The following SLC7A11 variants were observed in gnomAD, a reference collection of about 807,000 sequenced individuals.
SLC7A11 encodes the protein cystine/glutamate transporter.
SLC7A11 carries 35 observed loss-of-function variants against 54.5 expected under a neutral mutation model. The ratio of observed to expected loss-of-function variants is 0.64; its 90% CI spans 0.49 to 0.85. SLC7A11 has a LOEUF of 0.85. SLC7A11 is among the 40% of genes least tolerant of loss of function. SLC7A11 has a pLI of 0.00. For synonymous variants in SLC7A11, 230 were observed against 225.2 expected, an observed-to-expected ratio of 1.02 and a Z score of -0.19; for missense variants, 583 against 618.1, an observed-to-expected ratio of 0.94 and a Z score of 0.60.
In SLC7A11 at chr4:138,167,401, C is replaced by T. The variant is rs1451603232; in HGVS notation, c.*4555G>A. 1.3e-5 allele frequency: 2 copies of T among 152,110 alleles called. No individual in the cohort carries two copies. Among genetic ancestry groups the T allele is most frequent in the African/African-American group, 4.8e-5 (2 of 41,416 alleles). 9.4% of individuals were successfully genotyped at this position (152,110 alleles called of 1,614,324 possible). ...TCCTGACCTCAGGTGATTCGCCCGCCTCAGCCTCCCAAAGTGCTGGGATTA... is the reference window on the plus strand; with the variant it reads ...TCCTGACCTCAGGTGATTCGCCCGCTTCAGCCTCCCAAAGTGCTGGGATTA... On this transcript the variant is annotated 3_prime_UTR_variant, in exon 12 of 12. Transcript: ENST00000280612.
intron 1 of SLC7A11, among the ~76,000 whole-genome samples, chr4:138,238,317 C>A (rs1398509528): frequency 2.0e-5 from 3 of 152,058 alleles, no homozygotes; most frequent in Non-Finnish European, 4.4e-5. Context: ...TGAAATATAG[C>A]TATACTTATT....
chr4:138,235,560 T>C (rs996431395), intron 2 of SLC7A11, among the ~76,000 whole-genome samples: 6 of 152,206 alleles, frequency 3.9e-5, no homozygotes, highest in Admixed American at 2.0e-4. Flanking sequence ...CCTAGTAATA[T>C]CCATTAAATT....
At chr4:138,237,719 ATATATATATATATATATATTTTTTTTT>A (rs1738252820) in intron 1 of SLC7A11, among the ~76,000 whole-genome samples, 1 of 7,538 alleles carries the variant, frequency 1.3e-4, no homozygotes, top group Non-Finnish European at 2.6e-4. Flanking sequence ...ATATATATAT[ATATATATATATATATATATTTTTTTTT>A]TTTTTTTTTT....
intron 5 of SLC7A11, among the ~76,000 whole-genome samples, chr4:138,217,995 A>C (rs1737720397): frequency 6.6e-6 from 1 of 152,212 alleles, no homozygotes; most frequent in Non-Finnish European, 1.5e-5. Context: ...GGAATATACA[A>C]ATATTTTACA....
At chr4:138,238,039 C>T (rs1458702182) in intron 1 of SLC7A11, among the ~76,000 whole-genome samples, 1 of 151,902 alleles carries the variant, frequency 6.6e-6, no homozygotes, top group Admixed American at 6.6e-5. Flanking sequence ...AGGCGTGAGC[C>T]ACTGCGCCCG....
chr4:138,165,418 G>A lies in SLC7A11; in HGVS notation c.*6538C>T, dbSNP rs1379973026. The A allele has an allele frequency of 1.3e-5, 2 of 152,530 alleles. No individual in the cohort carries two copies. The highest frequency in any genetic ancestry group is 1.5e-5 in the Non-Finnish European group (1 of 67,992). The allele number at this position is 152,530 out of a possible 1,614,324, so 9.4% of individuals were successfully genotyped here. A position where few individuals can be genotyped will look rare whatever the true frequency, so the allele number is the denominator to read the frequency against. Reference sequence around the variant, plus strand: ...CATTTGTCTTGCCTTTTTCTGACATGTGCATACTATAAAATCACAGGTAGC... The same window carrying A: ...CATTTGTCTTGCCTTTTTCTGACATATGCATACTATAAAATCACAGGTAGC... On this transcript the variant is annotated 3_prime_UTR_variant, in exon 12 of 12. Coordinates refer to ENST00000280612, the MANE Select transcript of SLC7A11 (RefSeq NM_014331.4).
At position 138,225,483 on chromosome 4, in the gene SLC7A11, G is replaced by T. The variant is rs867054424; in HGVS notation, c.521-2159C>A. The stretch of plus-strand genomic sequence containing the variant: ...TGGAAGCTGAAAACATGAAGGGATA[G>T]ACAGGTCTGTTGTCAATGACAAAGT... On this transcript the variant is annotated intron_variant, in intron 3 of 11. Transcript: ENST00000280612. 2.0e-5 allele frequency among the ~76,000 whole-genome samples: 3 copies of T among 151,904 alleles called. No individual in the cohort carries two copies. The South Asian group carries it at 6.2e-4, about 31-fold the overall frequency.
At chr4:138,225,348 A>G (rs1222590773) in intron 3 of SLC7A11, among the ~76,000 whole-genome samples, 1 of 151,782 alleles carries the variant, frequency 6.6e-6, no homozygotes, top group East Asian at 1.9e-4. Context: ...AGTGAAATAC[A>G]GGGTTACTAA....
At position 138,216,896 on chromosome 4, in the gene SLC7A11, T is replaced by C. The variant is rs140412822; in HGVS notation, c.747-2267A>G. On this transcript the variant is annotated intron_variant, in intron 5 of 11. Coordinates refer to ENST00000280612, the MANE Select transcript of SLC7A11 (RefSeq NM_014331.4). ...ACCCACTGATAATTCTACAACCCAGTCTTGTAATTATATCTTGAAAGCGAG... is the reference window on the plus strand; with the variant it reads ...ACCCACTGATAATTCTACAACCCAGCCTTGTAATTATATCTTGAAAGCGAG... 1.6e-3 allele frequency among the ~76,000 whole-genome samples: 247 copies of C among 152,244 alleles called. 2 individuals are homozygous for C. In the Middle Eastern group the frequency reaches 0.024, roughly 15 times the overall value.
chr4:138,189,853 C>A (rs1301597056), intron 6 of SLC7A11, among the ~76,000 whole-genome samples: 2 of 152,116 alleles, frequency 1.3e-5, no homozygotes, highest in Non-Finnish European at 2.9e-5. Context: ...GTAAACCTAG[C>A]TTGATTCTCC....
At chr4:138,198,629 TAGAC>T (rs1040806996) in intron 6 of SLC7A11, among the ~76,000 whole-genome samples, 29 of 152,288 alleles carry the variant, frequency 1.9e-4, no homozygotes, top group African/African-American at 6.0e-4. Context: ...AACTTGATAA[TAGAC>T]AGACCATTTT....
intron 3 of SLC7A11, among the ~76,000 whole-genome samples, chr4:138,232,017 A>C (rs1454967899): frequency 6.6e-6 from 1 of 152,194 alleles, no homozygotes; most frequent in African/African-American, 2.4e-5. Context: ...AATAGACTTA[A>C]TATTTTACTA....
intron 3 of SLC7A11, among the ~76,000 whole-genome samples, chr4:138,224,115 C>T (rs1400827641): frequency 3.3e-5 from 5 of 152,154 alleles, no homozygotes; most frequent in South Asian, 2.1e-4. Context: ...ATCGCTGTAT[C>T]GCTGGTATCC....
chr4:138,188,556 A>C (rs747546094), intron 6 of SLC7A11, among the ~76,000 whole-genome samples: 2 of 152,216 alleles, frequency 1.3e-5, no homozygotes, highest in Non-Finnish European at 2.9e-5. Context: ...GGTCCTACAC[A>C]GTTAACTCTA....
At chr4:138,210,027 T>C (rs1002113719) in intron 6 of SLC7A11, among the ~76,000 whole-genome samples, 1 of 151,874 alleles carries the variant, frequency 6.6e-6, no homozygotes, top group Non-Finnish European at 1.5e-5. Flanking sequence ...AACAGAATGA[T>C]ACAGGTACAA....
intron 1 of SLC7A11, among the ~76,000 whole-genome samples, chr4:138,238,489 GA>G (rs1660772475): frequency 6.6e-6 from 1 of 152,142 alleles, no homozygotes; most frequent in South Asian, 2.1e-4. Context: ...AATTTAGACA[GA>G]ACTGCTCAAT....
intron 6 of SLC7A11, among the ~76,000 whole-genome samples, chr4:138,198,816 G>A (rs1737202983): frequency 6.6e-6 from 1 of 152,110 alleles, no homozygotes; most frequent in African/African-American, 2.4e-5. Flanking sequence ...ACAAGAAAAT[G>A]AGCACAAGAA....
chr4:138,185,279 T>C (rs371359464), intron 6 of SLC7A11, 35 bp from the exon 7 acceptor site: 2 of 1,607,282 alleles, frequency 1.2e-6, no homozygotes, highest in Middle Eastern at 1.7e-4. Context: ...ATTCATTATC[T>C]TTTGTTAGCC....
chr4:138,209,842 C>T (rs937771924), intron 6 of SLC7A11, among the ~76,000 whole-genome samples: 71 of 152,104 alleles, frequency 4.7e-4, no homozygotes, highest in African/African-American at 1.3e-3. Context: ...AGGTTCAATG[C>T]TATTCCTATC....
Sources: gnomAD v4.1 joint callset for allele counts (sites outside exome capture counted in the v4.1 genomes callset) on GRCh38, gnomAD v4.1.1 for gene constraint, MANE v1.5 for transcripts, NCBI Gene and HGNC (gene_info 2026-07-23, HGNC 2026-07-21) for gene names.